PHF20: variants seen among roughly 807,000 people sequenced by gnomAD.
The protein encoded by PHF20 is PHD finger protein 20.
A neutral mutation model predicts 113.5 loss-of-function variants in PHF20; 23 were observed. The observed-to-expected ratio is 0.20, with a 90% CI of 0.15 to 0.29. The LOEUF is 0.29. Ranked by LOEUF, PHF20 falls within the 10% of genes least tolerant of loss-of-function variation. The pLI is 1.00. For synonymous variants in PHF20, 434 were observed against 457.3 expected, an observed-to-expected ratio of 0.95 and a Z score of 0.65; for missense variants, 943 against 1,219.6, an observed-to-expected ratio of 0.77 and a Z score of 3.38.
intron 1 of PHF20, among the ~76,000 whole-genome samples, chr20:35,776,813 A>G (rs1455656335): frequency 6.6e-6 from 1 of 152,138 alleles, no homozygotes; most frequent in Non-Finnish European, 1.5e-5. Flanking sequence ...AAGTCACTTA[A>G]TGCTATGGGC....
intron 1 of PHF20, among the ~76,000 whole-genome samples, chr20:35,793,537 T>G (rs1201700780): frequency 6.7e-6 from 1 of 148,394 alleles, no homozygotes; most frequent in African/African-American, 2.5e-5. Context: ...TGACCTCAGG[T>G]GATCCACCTG....
chr20:35,946,681 A>T (rs935454480), intron 17 of PHF20, among the ~76,000 whole-genome samples: 33 of 144,434 alleles, frequency 2.3e-4, no homozygotes, highest in African/African-American at 7.9e-4. Context: ...ATTTTATTTT[A>T]TTTATTTTAT....
chr20:35,926,781 G>A (rs1465121905), intron 13 of PHF20, among the ~76,000 whole-genome samples: 3 of 152,284 alleles, frequency 2.0e-5, no homozygotes, highest in East Asian at 3.9e-4. Context: ...CAGTGGTTGA[G>A]GACCATCTGA....
intron 1 of PHF20, among the ~76,000 whole-genome samples, chr20:35,787,913 G>A (rs148061157): frequency 2.1e-3 from 317 of 151,678 alleles, no homozygotes; most frequent in Non-Finnish European, 2.4e-3. Flanking sequence ...TGGTAGCTGG[G>A]ATTACAGGCC....
At position 35,873,458 on chromosome 20, in the gene PHF20, G is replaced by GTTTTTTTTT. The variant is rs1400135809; in HGVS notation, c.1282+1636_1282+1637insTTTTTTTTT. ...GCTAACATTTGGCTGTGTTTTGTCT[G>GTTTTTTTTT]TTTTTTTGTTTTTTTTTTTTTTTTT... On this transcript the variant is annotated intron_variant, in intron 9 of 17. Transcript: ENST00000374012. Among the ~76,000 whole-genome samples the GTTTTTTTTT allele has an allele frequency of 1.4e-4, 16 of 114,578 alleles. 1 individual carries two copies. The highest frequency in any genetic ancestry group is 1.7e-4 in the African/African-American group (5 of 29,404). 75.2% of individuals were successfully genotyped at this position (114,578 alleles called of 152,430 possible). A position where few individuals can be genotyped will look rare whatever the true frequency, so the allele number is the denominator to read the frequency against.
rs35002007 is a variant in PHF20 at position 35,784,433 on chromosome 20, C to CTTT, written c.-33+12373_-33+12375dup. Among the ~76,000 whole-genome samples the CTTT allele has an allele frequency of 8.4e-4, 93 of 110,510 alleles. 1 individual carries two copies. The highest frequency in any genetic ancestry group is 1.3e-3 in the Non-Finnish European group (76 of 57,646). The allele number at this position is 110,510 out of a possible 152,430, so 72.5% of individuals were successfully genotyped here. ...TTTTAATGTTGAAATATCCCAAAGA[C>CTTT]TTTTTTTTTTTTTTTTTTTTTGAGA... On this transcript the variant is annotated intron_variant, in intron 1 of 17. Coordinates refer to ENST00000374012, the MANE Select transcript of PHF20 (RefSeq NM_016436.5).
At chr20:35,814,744 G>T (rs2042036827) in intron 2 of PHF20, among the ~76,000 whole-genome samples, 1 of 146,588 alleles carries the variant, frequency 6.8e-6, no homozygotes, top group Non-Finnish European at 1.5e-5. Flanking sequence ...GTAGTGGCGG[G>T]TGCCTGTAGT....
chr20:35,840,006 G>C (rs993468324), intron 2 of PHF20, among the ~76,000 whole-genome samples: 1 of 152,182 alleles, frequency 6.6e-6, no homozygotes. Flanking sequence ...CTTAGAGGGT[G>C]CTAGTGTGGG....
intron 9 of PHF20, among the ~76,000 whole-genome samples, chr20:35,896,310 G>T (rs1441340712): frequency 6.6e-6 from 1 of 152,064 alleles, no homozygotes; most frequent in Non-Finnish European, 1.5e-5. Context: ...TGGAGATTGT[G>T]TGATTGTGTT....
chr20:35,800,446 A>G (rs1382106884), intron 1 of PHF20, among the ~76,000 whole-genome samples: 2 of 152,148 alleles, frequency 1.3e-5, no homozygotes, highest in Non-Finnish European at 2.9e-5. Flanking sequence ...ACAAACAAAA[A>G]AAGAAGTAGG....
At chr20:35,910,648 C>T (rs994029855) in intron 10 of PHF20, among the ~76,000 whole-genome samples, 20 of 151,898 alleles carry the variant, frequency 1.3e-4, no homozygotes, top group Non-Finnish European at 2.5e-4. Context: ...TCTTCCCCCC[C>T]GAGATGGAGT....
At chr20:35,824,708 A>G (rs548655373) in intron 2 of PHF20, among the ~76,000 whole-genome samples, 46 of 152,284 alleles carry the variant, frequency 3.0e-4, no homozygotes, top group Non-Finnish European at 2.6e-4. Flanking sequence ...ATCTAATTCC[A>G]GAATTCTCAT....
intron 5 of PHF20, 87 bp from the exon 6 acceptor site, chr20:35,862,922 CTTTG>C (rs1004916958): frequency 1.8e-5 from 23 of 1,303,482 alleles, no homozygotes; most frequent in Admixed American, 6.9e-5. Flanking sequence ...GTTTTAATTT[CTTTG>C]TTTGTCTTCA....
chr20:35,876,821 A>G (rs2054532082), intron 9 of PHF20, among the ~76,000 whole-genome samples: 1 of 151,718 alleles, frequency 6.6e-6, no homozygotes, highest in Non-Finnish European at 1.5e-5. Context: ...AGATACAAAA[A>G]TTTGGCCGGG....
At chr20:35,899,821 CA>C (rs1363829599) in intron 10 of PHF20, among the ~76,000 whole-genome samples, 173 bp downstream of exon 10, 10 of 152,182 alleles carry the variant, frequency 6.6e-5, no homozygotes, top group Non-Finnish European at 1.5e-5. Context: ...GGCCTTCCTA[CA>C]GGAAGCAGGA....
intron 3 of PHF20, among the ~76,000 whole-genome samples, chr20:35,843,177 C>A (rs2042561945): frequency 1.3e-5 from 2 of 151,898 alleles, no homozygotes. Flanking sequence ...CACTGCCTGG[C>A]ACATTGTAGA....
intron 9 of PHF20, among the ~76,000 whole-genome samples, chr20:35,888,613 T>G (rs937079694): frequency 1.3e-5 from 2 of 152,164 alleles, no homozygotes; most frequent in Non-Finnish European, 2.9e-5. Flanking sequence ...CCAGCAACTT[T>G]AAGATTTAAT....
chr20:35,784,457 G>C (rs6087734), intron 1 of PHF20, among the ~76,000 whole-genome samples: 1 of 134,016 alleles, frequency 7.5e-6, no homozygotes, highest in African/African-American at 2.8e-5. Flanking sequence ...TTTTTTTTGA[G>C]ATGGAGTCTC....
chr20:35,798,255 G>C (rs2041706535), intron 1 of PHF20, among the ~76,000 whole-genome samples: 2 of 151,820 alleles, frequency 1.3e-5, no homozygotes, highest in Non-Finnish European at 2.9e-5. Context: ...GTCTCTACCA[G>C]ATAACAAATT....
Sources: allele counts gnomAD v4.1 joint callset (sites outside exome capture counted in the v4.1 genomes callset), GRCh38; gene constraint gnomAD v4.1.1; transcripts MANE v1.5; gene names NCBI Gene and HGNC (gene_info 2026-07-23, HGNC 2026-07-21).